Variants in SEL1L3 observed in about 807,000 individuals in gnomAD.
The protein encoded by SEL1L3 is SEL1L family member 3.
Under a neutral mutation model 142.8 loss-of-function variants are expected in SEL1L3, and 76 were observed. The ratio of observed to expected loss-of-function variants is 0.53; its 90% CI spans 0.44 to 0.64. The LOEUF (loss-of-function observed/expected upper bound fraction) is 0.64. Among genes scored for constraint, SEL1L3 ranks in the 30% least tolerant of loss-of-function variants. The probability of loss-of-function intolerance (pLI) is 0.00; values close to 1 mark genes in which losing one functional copy is unlikely to be tolerated. For missense variants in SEL1L3, 1,262 were observed against 1,381.7 expected, an observed-to-expected ratio of 0.91 and a Z score of 1.37; for synonymous variants, 504 against 519.6, an observed-to-expected ratio of 0.97 and a Z score of 0.41.
chr4:25,732,585 T>A, the SEL1L3 span, among the ~76,000 whole-genome samples: 1 of 152,210 alleles, frequency 6.6e-6, no homozygotes, highest in Admixed American at 6.6e-5. Context: ...AATGATGACG[T>A]TCAGCCTACT....
the SEL1L3 span, among the ~76,000 whole-genome samples, chr4:25,739,403 T>C: frequency 7.1e-3 from 1,081 of 151,492 alleles, 9 homozygotes; most frequent in African/African-American, 0.022. Flanking sequence ...CCAACGATGA[T>C]TTAAAACCAT....
chr4:25,779,239 A>C (rs372428310), intron 15 of SEL1L3, 36 bp from the exon 16 acceptor site: 1 of 1,608,856 alleles, frequency 6.2e-7, no homozygotes, highest in Non-Finnish European at 8.5e-7. Context: ...GAGTCATCCT[A>C]GCTGGGCTGG....
At chr4:25,730,003 T>G in the SEL1L3 span, among the ~76,000 whole-genome samples, 1 of 152,008 alleles carries the variant, frequency 6.6e-6, no homozygotes, top group African/African-American at 2.4e-5. Flanking sequence ...CAGGCTGGAA[T>G]GCTGGAGTGC....
intron 23 of SEL1L3, among the ~76,000 whole-genome samples, chr4:25,750,320 G>T (rs191816115): frequency 6.6e-6 from 1 of 151,996 alleles, no homozygotes; most frequent in East Asian, 1.9e-4. Flanking sequence ...GAGTAGTTGT[G>T]ACCAAGACAG....
chr4:25,745,065 A>C (rs889626276), downstream of SEL1L3, among the ~76,000 whole-genome samples: 3 of 152,128 alleles, frequency 2.0e-5, no homozygotes, highest in Admixed American at 1.3e-4. Flanking sequence ...TTGGGTGTGA[A>C]GATTTCTGGG....
At chr4:25,804,465 T>C in intron 10 of SEL1L3, 76 bp downstream of exon 10, 1 of 1,090,110 alleles carries the variant, frequency 9.2e-7, no homozygotes, top group South Asian at 1.4e-5. Flanking sequence ...TGTCCAGTTC[T>C]ACCAGGGGCA....
rs769102548 is a variant in SEL1L3, at chr4:25,788,361, G to T, written c.2080C>A (p.Arg694=). 3.1e-6 allele frequency: 5 copies of T among 1,613,542 alleles called. No homozygotes were observed. Among genetic ancestry groups the T allele is most frequent in the Non-Finnish European group, 4.2e-6 (5 of 1,179,788 alleles). The change falls in exon 13 of 24, where the codon CGA becomes AGA. Residue 694 remains arginine (R), a synonymous_variant. Transcript: ENST00000399878. This position sits in a 1 kb window ranked among gnomAD's most constrained non-coding sequence, Gnocchi z 5.3. ...CCCCAGAACAGCATCTGGGCCAATCGTTGCTTAAAGATAATAGCAATTTAG... is the reference window on the plus strand; with the variant it reads ...CCCCAGAACAGCATCTGGGCCAATCTTTGCTTAAAGATAATAGCAATTTAG... ...ATRGNAAAQQ[R]LAQMLFWGQQ...
chr4:25,769,037 C>T (rs1215190034), intron 17 of SEL1L3, among the ~76,000 whole-genome samples: 26 of 151,552 alleles, frequency 1.7e-4, no homozygotes, highest in Admixed American at 1.2e-3. Flanking sequence ...AATTTTTATA[C>T]GTTACCTAGC....
At chr4:25,802,604 C>G in intron 10 of SEL1L3, 142 bp from the exon 11 acceptor site, 1 of 723,172 alleles carries the variant, frequency 1.4e-6, no homozygotes, top group Non-Finnish European at 2.3e-6. Flanking sequence ...TTTTTTGAGA[C>G]GGAGCCTTGG....
At chr4:25,784,128 G>T in intron 14 of SEL1L3, 100 bp downstream of exon 14, 1 of 1,013,346 alleles carries the variant, frequency 9.9e-7, no homozygotes, top group East Asian at 2.4e-5. Flanking sequence ...CCACCTTAGG[G>T]CTTTGTAGGA....
rs764793909 is a variant in SEL1L3, at chr4:25,833,474, G to A, written c.956C>T (p.Thr319Ile). The A allele has an allele frequency of 2.5e-6, 4 of 1,612,690 alleles. No homozygotes were observed. In the Admixed American group the frequency reaches 5.0e-5, roughly 20 times the overall value. Residue 319 changes from threonine (T) to isoleucine (I), a missense_variant, in exon 4 of 24, where the codon ACA becomes ATA. Physicochemically the swap from Thr to Ile is moderately conservative, Grantham distance 89. Around this residue, in one of 3 missense-constraint regions of SEL1L3, gnomAD observed 689 missense variants for 692.8 expected, o/e 0.99. Coordinates refer to ENST00000399878, the MANE Select transcript of SEL1L3 (RefSeq NM_015187.5). ...CTCTTCCGTAAGAAATACAGAAGGT[G>A]TGCCGTACATCTCATTAGAGTCAAC... ...YFVDSNEMYG[T>I]PSVFLTEEGY...
the SEL1L3 span, among the ~76,000 whole-genome samples, chr4:25,722,163 G>GA: frequency 5.9e-5 from 9 of 152,072 alleles, no homozygotes; most frequent in Non-Finnish European, 1.0e-4. Flanking sequence ...GAATCATGGG[G>GA]AAAAAAGTGA....
chr4:25,831,614 C>T (rs1173118430), intron 5 of SEL1L3, among the ~76,000 whole-genome samples: 3 of 151,192 alleles, frequency 2.0e-5, no homozygotes, highest in Non-Finnish European at 4.4e-5. Context: ...CAACCTCCGC[C>T]TCCCGGATTC....
At chr4:25,858,392 C>T (rs1717408729) in intron 1 of SEL1L3, among the ~76,000 whole-genome samples, 1 of 152,326 alleles carries the variant, frequency 6.6e-6, no homozygotes, top group South Asian at 2.1e-4. Context: ...TTGATCTTCT[C>T]ATGCTCTGCA....
chr4:25,833,679 T>A (rs1715590677), intron 3 of SEL1L3, 110 bp from the exon 4 acceptor site: 3 of 1,010,942 alleles, frequency 3.0e-6, no homozygotes, highest in African/African-American at 3.3e-5. Context: ...AATGGATGAA[T>A]TTGCCTTCGC....
chr4:25,821,368 GA>G (rs1160166206), intron 7 of SEL1L3, among the ~76,000 whole-genome samples: 2 of 152,174 alleles, frequency 1.3e-5, no homozygotes, highest in East Asian at 1.9e-4. Flanking sequence ...AAGCAGCCCA[GA>G]AAACAAGTGC....
At position 25,846,603 on chromosome 4, in the gene SEL1L3, A is replaced by G. The variant is rs148703986; in HGVS notation, c.733+691T>C. Among the ~76,000 whole-genome samples, 1,343 of 152,030 alleles carry G rather than the reference A, an allele frequency of 8.8e-3. 12 individuals are homozygous for G. The highest frequency in any genetic ancestry group is 0.031 in the African/African-American group (1,272 of 41,456). ...AGGTTCTCATCTCCTCCAGGATAAA[A>G]CACTCTGCTTAAAAATAATAGAGGC... On this transcript the variant is annotated intron_variant, in intron 2 of 23. Coordinates refer to ENST00000399878, the MANE Select transcript of SEL1L3 (RefSeq NM_015187.5).
intron 7 of SEL1L3, 124 bp downstream of exon 7, chr4:25,821,872 T>C (rs2109261337): frequency 2.1e-6 from 2 of 971,728 alleles, no homozygotes; most frequent in East Asian, 2.6e-5. Flanking sequence ...ATTAATGATG[T>C]CTGATGACAG....
chr4:25,840,932 C>A (rs1253271856), intron 2 of SEL1L3, among the ~76,000 whole-genome samples: 1 of 152,186 alleles, frequency 6.6e-6, no homozygotes, highest in Non-Finnish European at 1.5e-5. Flanking sequence ...GGCTTATCAC[C>A]ATTTCCCAAT....
Sources: gnomAD v4.1 joint callset for allele counts (sites outside exome capture counted in the v4.1 genomes callset) on GRCh38, gnomAD v4.1.1 for gene constraint, gnomAD v4.1.1 regional missense constraint, Gnocchi (gnomAD v3.1) non-coding constraint, MANE v1.5 for transcripts, NCBI Gene and HGNC (gene_info 2026-07-23, HGNC 2026-07-21) for gene names.